NWD2: variants seen among roughly 807,000 people sequenced by gnomAD.
NWD2 encodes the protein NACHT and WD repeat domain-containing protein 2.
Under a neutral mutation model 132.7 loss-of-function variants are expected in NWD2, and 37 were observed. The observed-to-expected ratio is 0.28, with a 90% CI of 0.21 to 0.37. The LOEUF (loss-of-function observed/expected upper bound fraction) is 0.37, where lower values mean the gene tolerates loss of function less well. Among genes scored for constraint, NWD2 ranks in the 10% least tolerant of loss-of-function variants. The probability of loss-of-function intolerance (pLI) is 1.00; values close to 1 mark genes in which losing one functional copy is unlikely to be tolerated. For missense variants in NWD2, 1,592 were observed against 2,122.4 expected (o/e 0.75, Z 4.91); for synonymous variants, 705 against 803.0 (o/e 0.88, Z 2.06).
intron 5 of NWD2, among the ~76,000 whole-genome samples, chr4:37,436,856 G>T (rs1218416264): frequency 6.6e-6 from 1 of 152,068 alleles, no homozygotes; most frequent in Non-Finnish European, 1.5e-5. Context: ...TCCTTAAAAA[G>T]AATAGTAGAC....
chr4:37,434,875 G>T (rs1326096618), intron 5 of NWD2, among the ~76,000 whole-genome samples: 1 of 151,792 alleles, frequency 6.6e-6, no homozygotes, highest in African/African-American at 2.4e-5. Flanking sequence ...TTTATTCTGG[G>T]CGAGATGGGA....
chr4:37,445,745 A>T lies in NWD2; in HGVS notation c.3757A>T (p.Thr1253Ser). 6.4e-7 allele frequency: 1 copy of T among 1,551,832 alleles called. No homozygotes were observed. Among genetic ancestry groups the T allele is most frequent in the Non-Finnish European group, 8.7e-7 (1 of 1,147,038 alleles). Reference sequence around the variant, plus strand: ...TTGTATCATCGCCACCATGGAAAATACCTCAGCTGTGTTTTTTTGGAGGCG... The same window carrying T: ...TTGTATCATCGCCACCATGGAAAATTCCTCAGCTGTGTTTTTTTGGAGGCG... ...GDCIIATMENTSAVFFWRRDT... is the reference protein window; with the variant it reads ...GDCIIATMENSSAVFFWRRDT... The change falls in exon 7 of 7, where the codon ACC (threonine) becomes TCC (serine). Residue 1253 changes from threonine (T) to serine (S), a missense_variant. This residue lies in a region of NWD2 where 1,071 missense variants were observed against 1,398.0 expected (regional missense o/e 0.77). Transcript: ENST00000309447. The surrounding 1 kb of genome is among the most constrained non-coding windows in gnomAD (Gnocchi z 4.7).
Position 37,313,100 on chromosome 4 carries a change from T to G in NWD2, c.152-12836T>G, listed in dbSNP as rs1047104792. Among the ~76,000 whole-genome samples the G allele has an allele frequency of 2.8e-4, 42 of 151,262 alleles. 1 individual carries two copies. The highest frequency in any genetic ancestry group is 6.8e-3 in the Middle Eastern group (2 of 294). On this transcript the variant is annotated intron_variant, in intron 1 of 6. Transcript: ENST00000309447. ...TGGTCTAAAATTCTCTTTTTTGGTT[T>G]TGTCTCTTCCTGGCTTTGGTATCAG...
At chr4:37,249,180 A>G (rs1281743788) in intron 1 of NWD2, among the ~76,000 whole-genome samples, 1 of 152,242 alleles carries the variant, frequency 6.6e-6, no homozygotes, top group Non-Finnish European at 1.5e-5. Context: ...ATCAGATAGC[A>G]AAGCTCCAAG....
chr4:37,349,151 A>G (rs979177240), intron 2 of NWD2, among the ~76,000 whole-genome samples: 1 of 152,090 alleles, frequency 6.6e-6, no homozygotes, highest in Non-Finnish European at 1.5e-5. Context: ...ATATGTGTGC[A>G]TGTGTTTTTA....
At chr4:37,300,529 T>G (rs531145690) in intron 1 of NWD2, among the ~76,000 whole-genome samples, 1 of 152,198 alleles carries the variant, frequency 6.6e-6, no homozygotes, top group East Asian at 1.9e-4. Context: ...TTCCCAAAAT[T>G]AAAAAAGAAG....
At chr4:37,387,638 C>T (rs1190419751) in intron 3 of NWD2, among the ~76,000 whole-genome samples, 3 of 151,768 alleles carry the variant, frequency 2.0e-5, no homozygotes, top group Non-Finnish European at 4.4e-5. Flanking sequence ...CTGCTCTCCA[C>T]CCAGCAGCCA....
At chr4:37,314,460 A>G (rs1170169610) in intron 1 of NWD2, among the ~76,000 whole-genome samples, 1 of 152,192 alleles carries the variant, frequency 6.6e-6, no homozygotes, top group East Asian at 1.9e-4. Flanking sequence ...TTACAGATAT[A>G]TTCAGATTAT....
chr4:37,301,178 G>C (rs1718605298), intron 1 of NWD2, among the ~76,000 whole-genome samples: 1 of 152,062 alleles, frequency 6.6e-6, no homozygotes. Context: ...CTGTTGCAAA[G>C]TCAGCTGAAA....
intron 2 of NWD2, among the ~76,000 whole-genome samples, chr4:37,348,637 CATATATATATATATATAT>C (rs370439742): frequency 1.9e-4 from 5 of 26,554 alleles, no homozygotes; most frequent in East Asian, 1.9e-3. Flanking sequence ...GTGGTTAATT[CATATATATATATATATAT>C]ATATATATAT....
At chr4:37,358,528 A>G (rs758435352) in intron 3 of NWD2, among the ~76,000 whole-genome samples, 1 of 152,110 alleles carries the variant, frequency 6.6e-6, no homozygotes, top group Non-Finnish European at 1.5e-5. Context: ...GAAGAAGTTA[A>G]AGGATATATA....
At chr4:37,329,478 G>A (rs182017651) in intron 2 of NWD2, among the ~76,000 whole-genome samples, 1 of 152,276 alleles carries the variant, frequency 6.6e-6, no homozygotes, top group Admixed American at 6.5e-5. Context: ...CAAGTCATGC[G>A]GATGTCTGGA....
chr4:37,437,277 C>A (rs1421483168), intron 5 of NWD2, among the ~76,000 whole-genome samples: 4 of 152,122 alleles, frequency 2.6e-5, no homozygotes, highest in African/African-American at 9.7e-5. Flanking sequence ...TGATGAGGGC[C>A]AACTTCCCGC....
chr4:37,298,169 A>G (rs576794446), intron 1 of NWD2, among the ~76,000 whole-genome samples: 4 of 152,244 alleles, frequency 2.6e-5, no homozygotes, highest in Admixed American at 6.5e-5. Flanking sequence ...ATGATTGGTT[A>G]TATTAATAAT....
chr4:37,329,425 G>T (rs1457966839), intron 2 of NWD2, among the ~76,000 whole-genome samples: 2 of 152,192 alleles, frequency 1.3e-5, no homozygotes. Context: ...AAGACTCGGT[G>T]ATAAGGCAAT....
intron 3 of NWD2, among the ~76,000 whole-genome samples, chr4:37,360,688 C>T (rs965754590): frequency 6.6e-6 from 1 of 152,152 alleles, no homozygotes; most frequent in African/African-American, 2.4e-5. Context: ...CTACTTGTCG[C>T]ATTCCCTAGT....
chr4:37,266,214 G>T lies in NWD2; in HGVS notation c.151+20996G>T, dbSNP rs80064997. On this transcript the variant is annotated intron_variant, in intron 1 of 6. Coordinates refer to ENST00000309447, the MANE Select transcript of NWD2 (RefSeq NM_001144990.2). ...ATTAGCCTAGACATTTTGGTTGCAGGTGACAGAAGCCCAACAAACACATTT... is the reference window on the plus strand; with the variant it reads ...ATTAGCCTAGACATTTTGGTTGCAGTTGACAGAAGCCCAACAAACACATTT... 2.0e-5 allele frequency among the ~76,000 whole-genome samples: 3 copies of T among 152,044 alleles called. No homozygotes were observed. In the East Asian group the frequency reaches 5.8e-4, roughly 29 times the overall value.
At position 37,319,817 on chromosome 4, in the gene NWD2, T is replaced by C. The variant is rs116516876; in HGVS notation, c.152-6119T>C. 6.3e-3 allele frequency among the ~76,000 whole-genome samples: 961 copies of C among 152,310 alleles called. 5 individuals carry two copies. The highest frequency in any genetic ancestry group is 0.022 in the African/African-American group (918 of 41,562). On this transcript the variant is annotated intron_variant, in intron 1 of 6. Coordinates refer to ENST00000309447, the MANE Select transcript of NWD2 (RefSeq NM_001144990.2). ...AGCTTTATTTCTGCATTCTCTATTA[T>C]GTTACGTTGGTCTATGTGCCTGTTT...
At chr4:37,312,105 G>A (rs1473456032) in intron 1 of NWD2, among the ~76,000 whole-genome samples, 9 of 151,412 alleles carry the variant, frequency 5.9e-5, no homozygotes, top group South Asian at 2.1e-4. Context: ...TTGACTTGGC[G>A]ATGCGGGCTC....
Sources: gnomAD v4.1 joint callset for allele counts (sites outside exome capture counted in the v4.1 genomes callset) on GRCh38, gnomAD v4.1.1 for gene constraint, gnomAD v4.1.1 regional missense constraint, Gnocchi (gnomAD v3.1) non-coding constraint, MANE v1.5 for transcripts, NCBI Gene and HGNC (gene_info 2026-07-23, HGNC 2026-07-21) for gene names.